EMC4: variants seen among roughly 807,000 people sequenced by gnomAD.
EMC4 encodes cell proliferation-inducing gene 17 protein.
A neutral mutation model predicts 24.2 loss-of-function variants in EMC4; 9 were observed. The observed-to-expected ratio is 0.37, with a 90% CI of 0.22 to 0.65. The LOEUF (loss-of-function observed/expected upper bound fraction) is 0.65. Among genes scored for constraint, EMC4 ranks in the 30% least tolerant of loss-of-function variants. The pLI, the probability that EMC4 is intolerant of heterozygous loss-of-function variation, is 0.59. For missense variants in EMC4, 169 were observed against 234.6 expected (o/e 0.72, Z 1.83); for synonymous variants, 86 against 81.1 (o/e 1.06, Z -0.32).
chr15:34,227,934 AC>A, intron 3 of EMC4, 88 bp downstream of exon 3: 1 of 1,413,710 alleles, frequency 7.1e-7, no homozygotes, highest in Non-Finnish European at 9.8e-7. Flanking sequence ...TAATCCCAGC[AC>A]TTTGGGAGGC....
In EMC4 at chr15:34,225,062, T is replaced by C. The variant is rs2140590117; in HGVS notation, c.-53T>C. The C allele has an allele frequency of 2.1e-6, 3 of 1,432,132 alleles. No individual in the cohort carries two copies. The highest frequency in any genetic ancestry group is 2.0e-5 in the Admixed American group (1 of 50,872). 88.7% of individuals were successfully genotyped at this position (1,432,132 alleles called of 1,614,324 possible). ...GCGGAGAACGCTGGTGGGCCTGTTG[T>C]GGAGTACGCTTTGGACTGAGAAGCA... On this transcript the variant is annotated 5_prime_UTR_variant, in exon 1 of 5. Coordinates refer to ENST00000267750, the MANE Select transcript of EMC4 (RefSeq NM_016454.4).
rs1364870737 is a variant in EMC4, at chr15:34,227,260, A to G, written c.202-433A>G. The G allele has an allele frequency of 3.2e-5, 5 of 154,528 alleles. No individual in the cohort carries two copies. In the South Asian group the frequency reaches 6.0e-4, roughly 19 times the overall value. The allele number at this position is 154,528 out of a possible 1,614,324, so 9.6% of individuals were successfully genotyped here. On this transcript the variant is annotated intron_variant, in intron 2 of 4. Transcript: ENST00000267750. ...TTTGTTAATGTCATTCAAATCTTCT[A>G]TGTCTTGATTTGCCTGCTAATTCTA...
At position 34,225,101 on chromosome 15, in the gene EMC4, A is replaced by G. The variant is rs1190176020; in HGVS notation, c.-14A>G. 6.5e-7 allele frequency: 1 copy of G among 1,550,360 alleles called. No individual in the cohort carries two copies. The highest frequency in any genetic ancestry group is 1.2e-5 in the South Asian group (1 of 84,032). ...GACTGAGAAGCATCGAGGCTATAGGACGCAGCTGTTGCCATGACGGCCCAG... is the reference window on the plus strand; with the variant it reads ...GACTGAGAAGCATCGAGGCTATAGGGCGCAGCTGTTGCCATGACGGCCCAG... On this transcript the variant is annotated 5_prime_UTR_variant, in exon 1 of 5. Coordinates refer to ENST00000267750, the MANE Select transcript of EMC4 (RefSeq NM_016454.4).
chr15:34,229,750 C>G lies in EMC4; in HGVS notation c.517-3C>G. 6.4e-7 allele frequency: 1 copy of G among 1,551,398 alleles called. No individual in the cohort carries two copies. Among genetic ancestry groups the G allele is most frequent in the Non-Finnish European group, 8.8e-7 (1 of 1,137,888 alleles). On this transcript the variant is annotated splice_polypyrimidine_tract_variant and splice_region_variant and intron_variant, in intron 4 of 4. Coordinates refer to ENST00000267750, the MANE Select transcript of EMC4 (RefSeq NM_016454.4). ...CCTATTTATTCTTTCTTTCTTCTTT[C>G]AGAGAATGGAGTTCAGTGGTGGAGG...
intron 2 of EMC4, chr15:34,226,839 C>G (rs1033231868): frequency 6.6e-6 from 1 of 152,186 alleles, no homozygotes; most frequent in Non-Finnish European, 1.5e-5. Context: ...GCACCGCGCC[C>G]GGCCACATTG....
Position 34,227,673 on chromosome 15 carries a change from A to C in EMC4, c.202-20A>C, listed in dbSNP as rs1307586160. 6.2e-7 allele frequency: 1 copy of C among 1,610,402 alleles called. No individual in the cohort carries two copies. The highest frequency in any genetic ancestry group is 1.1e-5 in the South Asian group (1 of 90,966). On this transcript the variant is annotated intron_variant, in intron 2 of 4. Coordinates refer to ENST00000267750, the MANE Select transcript of EMC4 (RefSeq NM_016454.4). The stretch of plus-strand genomic sequence containing the variant: ...CTAAGGGTAGTGATCAGAGGGTTAA[A>C]ATTGTGTGTTTTGTTTTAGCGCTGC...
rs769681976 is a variant in EMC4, at chr15:34,227,696, T to G, written c.205T>G (p.Cys69Gly). ...ETDRILVEKR[C>G]WDIALGPLKQ... The stretch of plus-strand genomic sequence containing the variant: ...AAAATTGTGTGTTTTGTTTTAGCGC[T>G]GCTGGGACATCGCCTTGGGTCCCCT... Residue 69 changes from cysteine (C) to glycine (G), a missense_variant, in exon 3 of 5, where the codon TGC becomes GGC. Cys to Gly is a radical substitution (Grantham distance 159). Transcript: ENST00000267750. 1.9e-6 allele frequency: 3 copies of G among 1,613,738 alleles called. No homozygotes were observed. The Admixed American group carries it at 5.0e-5, about 27-fold the overall frequency.
rs1381983700 is a variant in EMC4, at chr15:34,228,710, G to A, written c.516+121G>A. 1.2e-5 allele frequency: 7 copies of A among 598,456 alleles called. No homozygotes were observed. In the East Asian group the frequency reaches 2.1e-4, roughly 18 times the overall value. The allele number at this position is 598,456 out of a possible 1,614,324, so 37.1% of individuals were successfully genotyped here. A position where few individuals can be genotyped will look rare whatever the true frequency, so the allele number is the denominator to read the frequency against. On this transcript the variant is annotated intron_variant, in intron 4 of 4. Coordinates refer to ENST00000267750, the MANE Select transcript of EMC4 (RefSeq NM_016454.4). ...TCTTTTTTTTTTTTTTTTTTTTTTT[G>A]AGACGGAGTATTGCTCTGTCGCCCA... is the stretch of plus-strand genomic sequence containing the variant.
chr15:34,227,939 G>A (rs1431326976), intron 3 of EMC4, 93 bp downstream of exon 3: 4 of 1,369,130 alleles, frequency 2.9e-6, no homozygotes, highest in Non-Finnish European at 4.1e-6. Context: ...CCAGCACTTT[G>A]GGAGGCGCCA....
At chr15:34,227,493 G>T in intron 2 of EMC4, 200 bp from the exon 3 acceptor site, 2 of 502,732 alleles carry the variant, frequency 4.0e-6, no homozygotes, top group South Asian at 5.6e-5. Flanking sequence ...AGGCATAACA[G>T]ATGGTAAGGA....
chr15:34,225,248 A>C, intron 1 of EMC4, 48 bp downstream of exon 1: 1 of 1,446,856 alleles, frequency 6.9e-7, no homozygotes, highest in Non-Finnish European at 9.4e-7. Flanking sequence ...CCAGAACTGC[A>C]CCAGAGTAAT....
rs1206340654 is a variant in EMC4 at position 34,225,219 on chromosome 15, C to T, written c.86+19C>T. 6.5e-7 allele frequency: 1 copy of T among 1,528,694 alleles called. No individual in the cohort carries two copies. 94.7% of individuals were successfully genotyped at this position (1,528,694 alleles called of 1,614,324 possible). On this transcript the variant is annotated intron_variant, in intron 1 of 4. Transcript: ENST00000267750. ...GCAGCAGGTGAGGCACCTGGGCAAG[C>T]TGTACATCACTGTTCATCCCAGAAC...
At chr15:34,225,394 G>A (rs1462484766) in intron 1 of EMC4, 142 bp from the exon 2 acceptor site, 2 of 822,560 alleles carry the variant, frequency 2.4e-6, no homozygotes, top group Admixed American at 2.4e-5. Flanking sequence ...ATAAGTCAAA[G>A]GACTGAGGAA....
chr15:34,228,350 T>C (rs753332456), intron 3 of EMC4, 79 bp from the exon 4 acceptor site: 1 of 1,472,686 alleles, frequency 6.8e-7, no homozygotes. Context: ...TCTGTCTATA[T>C]GAATTTAATA....
Position 34,228,477 on chromosome 15 carries a change from T to G in EMC4, c.404T>G (p.Val135Gly), listed in dbSNP as rs762243381. The change falls in exon 4 of 5, where the codon GTC becomes GGC. Residue 135 changes from valine (V) to glycine (G), a missense_variant. Transcript: ENST00000267750. ...AGCCAGAAGTTTCTTCAGGGTTTGG[T>G]CTATCTCATTGGGAACCTGATGGGT... ...SSSQKFLQGL[V>G]YLIGNLMGLA... 10 of 1,613,996 alleles carry G rather than the reference T, an allele frequency of 6.2e-6. No individual in the cohort carries two copies. Among genetic ancestry groups the G allele is most frequent in the Non-Finnish European group, 8.5e-6 (10 of 1,180,028 alleles).
In EMC4 at chr15:34,227,686, G is replaced by A; in HGVS notation, c.202-7G>A. ...TCAGAGGGTTAAAATTGTGTGTTTT[G>A]TTTTAGCGCTGCTGGGACATCGCCT... is the stretch of plus-strand genomic sequence containing the variant. On this transcript the variant is annotated splice_polypyrimidine_tract_variant and splice_region_variant and intron_variant, in intron 2 of 4. Transcript: ENST00000267750. 1.9e-6 allele frequency: 3 copies of A among 1,612,810 alleles called. No individual in the cohort carries two copies. Among genetic ancestry groups the A allele is most frequent in the Non-Finnish European group, 1.7e-6 (2 of 1,178,956 alleles).
intron 1 of EMC4, 52 bp from the exon 2 acceptor site, chr15:34,225,484 G>T (rs1890625366): frequency 7.4e-7 from 1 of 1,342,716 alleles, no homozygotes; most frequent in South Asian, 1.2e-5. Flanking sequence ...AGGAAATGTG[G>T]GATAAGAAGT....
chr15:34,225,031 G>T lies in EMC4; in HGVS notation c.-84G>T. ...CGCCGGAAGTGCATTTGCAGAGTGA[G>T]ACAAAGCGGAGAACGCTGGTGGGCC... is the stretch of plus-strand genomic sequence containing the variant. On this transcript the variant is annotated 5_prime_UTR_variant, in exon 1 of 5. Coordinates refer to ENST00000267750, the MANE Select transcript of EMC4 (RefSeq NM_016454.4). The T allele has an allele frequency of 8.5e-7, 1 of 1,170,712 alleles. No individual in the cohort carries two copies. The highest frequency in any genetic ancestry group is 1.3e-5 in the South Asian group (1 of 76,316). 72.5% of individuals were successfully genotyped at this position (1,170,712 alleles called of 1,614,324 possible).
intron 1 of EMC4, 94 bp downstream of exon 1, chr15:34,225,294 TG>T (rs1890620053): frequency 1.8e-6 from 2 of 1,135,378 alleles, no homozygotes; most frequent in African/African-American, 3.1e-5. Flanking sequence ...CTGAAAAAGA[TG>T]GGTGGCACAC....
Sources: allele counts gnomAD v4.1 joint callset, GRCh38; gene constraint gnomAD v4.1.1; transcripts MANE v1.5; gene names NCBI Gene and HGNC (gene_info 2026-07-23, HGNC 2026-07-21).